PICALM: variants seen among roughly 807,000 people sequenced by gnomAD.
The protein encoded by PICALM is phosphatidylinositol-binding clathrin assembly protein.
In PICALM, 40 loss-of-function variants were observed where a neutral mutation model predicts 80.5. The ratio of observed to expected loss-of-function variants is 0.50; its 90% CI spans 0.39 to 0.65. The LOEUF is 0.65. Ranked by LOEUF, PICALM falls within the 30% of genes least tolerant of loss-of-function variation. The probability of loss-of-function intolerance (pLI) is 0.00; values close to 1 mark genes in which losing one functional copy is unlikely to be tolerated. For synonymous variants in PICALM, 288 were observed against 260.3 expected (o/e 1.11, Z -1.02); for missense variants, 676 against 778.9 (o/e 0.87, Z 1.57).
chr11:86,006,049 A>C (rs1286061692), intron 8 of PICALM, among the ~76,000 whole-genome samples: 1 of 152,224 alleles, frequency 6.6e-6, no homozygotes, highest in African/African-American at 2.4e-5. Flanking sequence ...GCCTGAGGAC[A>C]ATGATTTTTA....
intron 1 of PICALM, among the ~76,000 whole-genome samples, chr11:86,048,363 G>A (rs1237748710): frequency 6.6e-6 from 1 of 152,072 alleles, no homozygotes; most frequent in African/African-American, 2.4e-5. Flanking sequence ...TCCACTCTAG[G>A]TCACCAAGTC....
At position 86,026,372 on chromosome 11, in the gene PICALM, A is replaced by C. The variant is rs772248561; in HGVS notation, c.274-5T>G. The C allele has an allele frequency of 8.0e-6, 12 of 1,490,926 alleles. No individual in the cohort carries two copies. The highest frequency in any genetic ancestry group is 1.1e-5 in the Non-Finnish European group (12 of 1,088,148). The allele number at this position is 1,490,926 out of a possible 1,614,324, so 92.4% of individuals were successfully genotyped here. On this transcript the variant is annotated splice_polypyrimidine_tract_variant and splice_region_variant and intron_variant, in intron 2 of 19. Transcript: ENST00000393346. Reference sequence around the variant, plus strand: ...AGCCAAATACTGAATAAAACGCTGGAAAAAAAAAATTACATCATATTAAGG... The same window carrying C: ...AGCCAAATACTGAATAAAACGCTGGCAAAAAAAAATTACATCATATTAAGG...
At chr11:86,040,532 T>C (rs181570865) in intron 1 of PICALM, among the ~76,000 whole-genome samples, 79 of 152,266 alleles carry the variant, frequency 5.2e-4, no homozygotes, top group African/African-American at 1.9e-3. Flanking sequence ...ATCTTTCATA[T>C]GTATTCTAAC....
In PICALM at chr11:85,983,739, G is replaced by A. The variant is rs1177247565; in HGVS notation, c.1516+127C>T. 8.1e-6 allele frequency: 4 copies of A among 491,608 alleles called. No individual in the cohort carries two copies. In the South Asian group the frequency reaches 1.1e-4, roughly 14 times the overall value. The allele number at this position is 491,608 out of a possible 1,614,324, so 30.5% of individuals were successfully genotyped here. A position where few individuals can be genotyped will look rare whatever the true frequency, so the allele number is the denominator to read the frequency against. ...GAAGTTCTCATCTAGTGCTTGGGGG[G>A]ATGGGACAATTTCTTTGGCTACCCC... On this transcript the variant is annotated intron_variant, in intron 14 of 19. Transcript: ENST00000393346.
chr11:86,002,034 A>C (rs2136118525), intron 9 of PICALM, among the ~76,000 whole-genome samples: 1 of 152,334 alleles, frequency 6.6e-6, no homozygotes, highest in South Asian at 2.1e-4. Context: ...ATAAGCCAAT[A>C]AAAAGGTACA....
intron 4 of PICALM, among the ~76,000 whole-genome samples, chr11:86,021,448 T>C (rs1386604528): frequency 7.8e-6 from 1 of 128,186 alleles, no homozygotes. Context: ...AAATGCAAAC[T>C]AAAAATCACA....
At chr11:85,975,922 T>C (rs956713954) in intron 18 of PICALM, among the ~76,000 whole-genome samples, 1 of 152,082 alleles carries the variant, frequency 6.6e-6, no homozygotes, top group Non-Finnish European at 1.5e-5. Flanking sequence ...ATGCAATGAC[T>C]ATGAAAAAAA....
At chr11:86,029,764 T>C (rs1389555107) in intron 2 of PICALM, among the ~76,000 whole-genome samples, 1 of 152,230 alleles carries the variant, frequency 6.6e-6, no homozygotes, top group East Asian at 1.9e-4. Context: ...TTCTTCAGAA[T>C]AATCATAATC....
chr11:86,054,217 T>C (rs1267171190), intron 1 of PICALM, among the ~76,000 whole-genome samples: 2 of 152,238 alleles, frequency 1.3e-5, no homozygotes, highest in African/African-American at 2.4e-5. Flanking sequence ...TTTAGCCCCC[T>C]GCACATGTGC....
At chr11:85,996,715 T>C in intron 12 of PICALM, 111 bp downstream of exon 12, 1 of 664,582 alleles carries the variant, frequency 1.5e-6, no homozygotes, top group Non-Finnish European at 2.7e-6. Flanking sequence ...ATTTTAATAC[T>C]TATCAAGTTC....
At chr11:86,017,012 A>C (rs1485273760) in intron 4 of PICALM, among the ~76,000 whole-genome samples, 1 of 152,210 alleles carries the variant, frequency 6.6e-6, no homozygotes, top group Non-Finnish European at 1.5e-5. Context: ...TCACGAGGTC[A>C]GGATTTCGAG....
rs149375624 is a variant in PICALM, at chr11:86,032,569, T to A, written c.131-958A>T. ...TGAACCTGGGAGGCGGAGGTTGCAG[T>A]GAGCGGAGATAGTACCACTGCACTC... On this transcript the variant is annotated intron_variant, in intron 1 of 19. Coordinates refer to ENST00000393346, the MANE Select transcript of PICALM (RefSeq NM_007166.4). 1.5e-3 allele frequency among the ~76,000 whole-genome samples: 224 copies of A among 152,282 alleles called. 3 individuals are homozygous for A. The East Asian group carries it at 0.039, about 27-fold the overall frequency.
intron 1 of PICALM, among the ~76,000 whole-genome samples, chr11:86,048,296 T>C (rs1224053014): frequency 1.3e-5 from 2 of 152,178 alleles, no homozygotes; most frequent in East Asian, 1.9e-4. Context: ...CTCAGCTATG[T>C]CAGGCAGTGT....
At chr11:85,993,103 T>C (rs560862) in intron 12 of PICALM, among the ~76,000 whole-genome samples, 18 of 151,558 alleles carry the variant, frequency 1.2e-4, no homozygotes, top group African/African-American at 3.9e-4. Context: ...TTTTTTTTTT[T>C]AAATAAGAGT....
intron 1 of PICALM, among the ~76,000 whole-genome samples, chr11:86,063,902 T>C (rs982306462): frequency 2.0e-5 from 3 of 152,192 alleles, no homozygotes; most frequent in Admixed American, 6.5e-5. Context: ...CCAGTTACCT[T>C]ACTTTTAAAT....
chr11:86,017,179 C>T (rs1337742701), intron 4 of PICALM, among the ~76,000 whole-genome samples: 1 of 150,454 alleles, frequency 6.6e-6, no homozygotes, highest in African/African-American at 2.5e-5. Flanking sequence ...GCAGAGATCA[C>T]GCCACTGCAC....
intron 19 of PICALM, among the ~76,000 whole-genome samples, chr11:85,962,289 T>TC (rs1173894879): frequency 2.0e-5 from 3 of 151,768 alleles, no homozygotes; most frequent in African/African-American, 7.3e-5. Context: ...CTGGAGGGAG[T>TC]CCAACATCCA....
rs1183157291 is a variant in PICALM at position 85,982,012 on chromosome 11, TACAA to T, written c.1517-13_1517-10del. 1.2e-6 allele frequency: 2 copies of T among 1,612,518 alleles called. No homozygotes were observed. The highest frequency in any genetic ancestry group is 1.3e-5 in the African/African-American group (1 of 75,020). ...ACCTAGTTCATCAAAGCCTTAAAGT[TACAA>T]ACAGACGAAATAGAATTTGTAAGGA... On this transcript the variant is annotated splice_polypyrimidine_tract_variant and intron_variant, in intron 14 of 19. Coordinates refer to ENST00000393346, the MANE Select transcript of PICALM (RefSeq NM_007166.4).
At chr11:86,013,364 G>A (rs1055489830) in intron 5 of PICALM, among the ~76,000 whole-genome samples, 2 of 152,042 alleles carry the variant, frequency 1.3e-5, no homozygotes, top group Non-Finnish European at 2.9e-5. Flanking sequence ...CTGTTGAGAA[G>A]TTAGTGGCTC....
Sources: gnomAD v4.1 joint callset for allele counts (sites outside exome capture counted in the v4.1 genomes callset) on GRCh38, gnomAD v4.1.1 for gene constraint, MANE v1.5 for transcripts, NCBI Gene and HGNC (gene_info 2026-07-23, HGNC 2026-07-21) for gene names.